LYPD6: variants seen among roughly 807,000 people sequenced by gnomAD.
LYPD6 encodes the protein LY6/PLAUR domain containing 6.
Under a neutral mutation model 22.7 loss-of-function variants are expected in LYPD6, and 15 were observed. That is an observed-to-expected ratio of 0.66 (90% CI 0.44 to 1.02). LYPD6 has a LOEUF of 1.02. Among genes scored for constraint, LYPD6 ranks in the 50% least tolerant of loss-of-function variants. The pLI, the probability that LYPD6 is intolerant of heterozygous loss-of-function variation, is 0.00. For synonymous variants in LYPD6, 72 were observed against 77.5 expected (o/e 0.93, Z 0.37); for missense variants, 189 against 208.4 (o/e 0.91, Z 0.57).
At chr2:149,338,595 A>G (rs1681102288) in intron 1 of LYPD6, among the ~76,000 whole-genome samples, 1 of 152,206 alleles carries the variant, frequency 6.6e-6, no homozygotes, top group South Asian at 2.1e-4. Context: ...GGTGCCATCC[A>G]TGAGGCAGAG....
chr2:149,471,008 G>A lies in LYPD6; in HGVS notation c.*158G>A, dbSNP rs532965902. 6 of 632,778 alleles carry A rather than the reference G, an allele frequency of 9.5e-6. No homozygotes were observed. In the African/African-American group the frequency reaches 1.1e-4, roughly 11 times the overall value. The allele number at this position is 632,778 out of a possible 1,614,324, so 39.2% of individuals were successfully genotyped here. On this transcript the variant is annotated 3_prime_UTR_variant, in exon 5 of 5. Coordinates refer to ENST00000334166, the MANE Select transcript of LYPD6 (RefSeq NM_194317.5). ...TTGCCACTTACCATGAGGAATAAAT[G>A]TTGCTTCATTGTAGCCATTTTGAGT... is the stretch of plus-strand genomic sequence containing the variant.
intron 1 of LYPD6, among the ~76,000 whole-genome samples, chr2:149,396,636 G>A (rs199620817): frequency 3.9e-5 from 6 of 152,016 alleles, no homozygotes; most frequent in Non-Finnish European, 8.8e-5. Flanking sequence ...CTTTCTTGGT[G>A]TTTTCCTCAG....
rs138429284 is a variant in LYPD6 at position 149,461,301 on chromosome 2, G to A, written c.218-7344G>A. The stretch of plus-strand genomic sequence containing the variant: ...TCAAAAACATAAGTTTGACAAGTTA[G>A]ATGAAATGGACCATAACTCAAAAAA... On this transcript the variant is annotated intron_variant, in intron 3 of 4. Coordinates refer to ENST00000334166, the MANE Select transcript of LYPD6 (RefSeq NM_194317.5). 3.6e-3 allele frequency among the ~76,000 whole-genome samples: 547 copies of A among 151,976 alleles called. 4 individuals are homozygous for A. The highest frequency in any genetic ancestry group is 0.012 in the African/African-American group (519 of 41,528).
chr2:149,468,599 G>T, intron 3 of LYPD6, 46 bp from the exon 4 acceptor site: 1 of 1,595,770 alleles, frequency 6.3e-7, no homozygotes, highest in Non-Finnish European at 8.5e-7. Context: ...TTTTAGGCAG[G>T]TTTGGTCAAC....
At chr2:149,393,844 A>G (rs75103413) in intron 1 of LYPD6, among the ~76,000 whole-genome samples, 2,336 of 152,278 alleles carry the variant, frequency 0.015, 50 homozygotes, top group African/African-American at 0.052. Flanking sequence ...CCTGGAATCC[A>G]TTACCATCTA....
chr2:149,445,004 C>G (rs943638252), intron 2 of LYPD6, among the ~76,000 whole-genome samples: 7 of 152,156 alleles, frequency 4.6e-5, no homozygotes, highest in Non-Finnish European at 7.3e-5. Context: ...AAATATATTT[C>G]TTAAACAATA....
intron 1 of LYPD6, among the ~76,000 whole-genome samples, chr2:149,428,811 T>G (rs1683241543): frequency 6.6e-6 from 1 of 152,216 alleles, no homozygotes; most frequent in Non-Finnish European, 1.5e-5. Context: ...GTATTTTGAT[T>G]TGAAAAGTTG....
At position 149,470,854 on chromosome 2, in the gene LYPD6, C is replaced by T. The variant is rs1275514496; in HGVS notation, c.*4C>T. Reference sequence around the variant, plus strand: ...GTGGTTAGGGCTCATGTTATAGTGGCTCAGTGGCTCCATGTGTTAATAGCG... The same window carrying T: ...GTGGTTAGGGCTCATGTTATAGTGGTTCAGTGGCTCCATGTGTTAATAGCG... On this transcript the variant is annotated 3_prime_UTR_variant, in exon 5 of 5. Coordinates refer to ENST00000334166, the MANE Select transcript of LYPD6 (RefSeq NM_194317.5). 7 of 1,608,288 alleles carry T rather than the reference C, an allele frequency of 4.4e-6. No homozygotes were observed. The African/African-American group carries it at 8.0e-5, about 18-fold the overall frequency.
intron 1 of LYPD6, among the ~76,000 whole-genome samples, chr2:149,353,327 C>T (rs1025049378): frequency 8.5e-5 from 13 of 152,126 alleles, no homozygotes; most frequent in South Asian, 2.1e-4. Context: ...GGTTCCAAAA[C>T]GAAAACCTCA....
At chr2:149,394,248 G>A (rs908536527) in intron 1 of LYPD6, among the ~76,000 whole-genome samples, 1 of 152,156 alleles carries the variant, frequency 6.6e-6, no homozygotes, top group African/African-American at 2.4e-5. Flanking sequence ...AGAGCCATTA[G>A]TGCTTCTAGA....
intron 1 of LYPD6, among the ~76,000 whole-genome samples, chr2:149,335,692 C>G (rs892588866): frequency 1.3e-5 from 2 of 152,202 alleles, no homozygotes; most frequent in African/African-American, 4.8e-5. Context: ...GAGCAACTTA[C>G]AGTCCTGCAA....
chr2:149,400,443 C>T (rs1023274877), intron 1 of LYPD6, among the ~76,000 whole-genome samples: 1 of 152,234 alleles, frequency 6.6e-6, no homozygotes, highest in African/African-American at 2.4e-5. Flanking sequence ...GTGAATGCCG[C>T]ATTGGTGTGT....
chr2:149,336,533 T>TAAA (rs1048331871), intron 1 of LYPD6, among the ~76,000 whole-genome samples: 2 of 152,230 alleles, frequency 1.3e-5, no homozygotes, highest in African/African-American at 4.8e-5. Context: ...GTGTAGGTTA[T>TAAA]AAAACTCTGT....
intron 1 of LYPD6, among the ~76,000 whole-genome samples, chr2:149,378,068 T>C (rs1681970108): frequency 6.6e-6 from 1 of 152,102 alleles, no homozygotes; most frequent in Non-Finnish European, 1.5e-5. Flanking sequence ...TCAAAAGACT[T>C]TCCTAGCTAT....
intron 1 of LYPD6, among the ~76,000 whole-genome samples, chr2:149,367,429 A>C (rs903154994): frequency 2.0e-5 from 3 of 152,152 alleles, no homozygotes; most frequent in Non-Finnish European, 4.4e-5. Flanking sequence ...TGCTGGAAAG[A>C]CATCCACCAT....
At chr2:149,356,713 A>C (rs938548455) in intron 1 of LYPD6, among the ~76,000 whole-genome samples, 9 of 152,308 alleles carry the variant, frequency 5.9e-5, no homozygotes, top group African/African-American at 2.2e-4. Flanking sequence ...GGAAAGGTTA[A>C]ATGGTGAAGC....
In LYPD6 at chr2:149,404,635, T is replaced by A. The variant is rs576682572; in HGVS notation, c.-71-33003T>A. ...TTATCAGCTTAAGGAGATTTTGGGC[T>A]GAGACAGTGGGGTTTTCTAGATATA... is the stretch of plus-strand genomic sequence containing the variant. On this transcript the variant is annotated intron_variant, in intron 1 of 4. Transcript: ENST00000334166. 1.7e-3 allele frequency among the ~76,000 whole-genome samples: 253 copies of A among 152,346 alleles called. 1 individual carries two copies. In the Middle Eastern group the frequency reaches 0.02, roughly 12 times the overall value.
chr2:149,439,907 A>G (rs1683522804), intron 2 of LYPD6: 1 of 152,378 alleles, frequency 6.6e-6, no homozygotes, highest in Admixed American at 6.5e-5. Flanking sequence ...ATGGTTCACT[A>G]TTCATTTGAC....
rs557398167 is a variant in LYPD6 at position 149,402,782 on chromosome 2, A to G, written c.-71-34856A>G. Among the ~76,000 whole-genome samples, 4 of 152,042 alleles carry G rather than the reference A, an allele frequency of 2.6e-5. No individual in the cohort carries two copies. The South Asian group carries it at 8.3e-4, about 32-fold the overall frequency. ...TTTAGGGTACATGTGCACAACGTGC[A>G]GGTTTGTTACATATGTATACATGTG... On this transcript the variant is annotated intron_variant, in intron 1 of 4. Coordinates refer to ENST00000334166, the MANE Select transcript of LYPD6 (RefSeq NM_194317.5).
Sources: gnomAD v4.1 joint callset for allele counts (sites outside exome capture counted in the v4.1 genomes callset) on GRCh38, gnomAD v4.1.1 for gene constraint, MANE v1.5 for transcripts, NCBI Gene and HGNC (gene_info 2026-07-23, HGNC 2026-07-21) for gene names.